The following SPG11 variants were observed in gnomAD, a reference collection of about 807,000 sequenced individuals.
The protein encoded by SPG11 is SPG11 vesicle trafficking associated, spatacsin, also known as spatacsin.
SPG11 carries 222 observed loss-of-function variants against 274.0 expected under a neutral mutation model. The observed-to-expected ratio is 0.81, with a 90% confidence interval of 0.73 to 0.91. SPG11 has a LOEUF of 0.91. Ranked by LOEUF, SPG11 falls within the 40% of genes least tolerant of loss-of-function variation. The pLI is 0.00. For missense variants in SPG11, 3,114 were observed against 2,872.7 expected (o/e 1.08, Z -1.92); for synonymous variants, 1,144 against 1,039.7 (o/e 1.10, Z -1.93).
At chr15:44,643,577 A>G (rs1263097770) in intron 7 of SPG11, among the ~76,000 whole-genome samples, 1 of 151,992 alleles carries the variant, frequency 6.6e-6, no homozygotes, top group Non-Finnish European at 1.5e-5. Context: ...TAAAACTATA[A>G]AAGTCTTGTA....
In SPG11 at chr15:44,651,492, T is replaced by A. The variant is rs751741696; in HGVS notation, c.1455A>T (p.Thr485=). Residue 485 remains threonine, a splice_region_variant and synonymous_variant, in exon 6 of 40, where the codon ACA becomes ACT. Transcript: ENST00000261866. ...SGDQQLCFVL[T]ENGLSLILFG... ...CAATCTAATACAAGACAGTCTCACC[T>A]GTCAAAACAAAGCACAGCTGCTGGT... The A allele has an allele frequency of 6.2e-7, 1 of 1,613,580 alleles. No individual in the cohort carries two copies. The highest frequency in any genetic ancestry group is 1.7e-5 in the Admixed American group (1 of 60,002).
At chr15:44,566,338 T>C (rs762979252) in intron 36 of SPG11, 33 bp from the exon 37 acceptor site, 1 of 1,597,762 alleles carries the variant, frequency 6.3e-7, no homozygotes, top group South Asian at 1.1e-5. Flanking sequence ...TTGCCGAGTC[T>C]GACTCCCAAA....
chr15:44,653,297 T>C (rs2084840587), intron 4 of SPG11, among the ~76,000 whole-genome samples: 1 of 152,150 alleles, frequency 6.6e-6, no homozygotes, highest in South Asian at 2.1e-4. Context: ...ACTTACATTA[T>C]TAAATATTAA....
intron 11 of SPG11, 24 bp from the exon 12 acceptor site, chr15:44,622,823 A>T: frequency 6.4e-7 from 1 of 1,571,110 alleles, no homozygotes; most frequent in Non-Finnish European, 8.8e-7. Flanking sequence ...AGAAAACCAA[A>T]AAAAGTTACA....
intron 28 of SPG11, among the ~76,000 whole-genome samples, chr15:44,588,806 C>T (rs942535098): frequency 6.6e-6 from 1 of 152,210 alleles, no homozygotes; most frequent in African/African-American, 2.4e-5. Flanking sequence ...GGTGTTTACT[C>T]AAAACCTTTG....
At chr15:44,644,570 C>T (rs1453578887) in intron 7 of SPG11, among the ~76,000 whole-genome samples, 1 of 152,072 alleles carries the variant, frequency 6.6e-6, no homozygotes, top group East Asian at 1.9e-4. Context: ...GATGTCCTAA[C>T]CAGAAAAATC....
intron 28 of SPG11, among the ~76,000 whole-genome samples, chr15:44,586,888 A>C (rs969939867): frequency 1.3e-5 from 2 of 152,248 alleles, no homozygotes; most frequent in African/African-American, 4.8e-5. Context: ...CTTGTAGGAC[A>C]GTTAAATCTC....
At chr15:44,628,641 A>G (rs2083969565) in intron 10 of SPG11, 28 bp downstream of exon 10, 1 of 1,595,990 alleles carries the variant, frequency 6.3e-7, no homozygotes, top group Admixed American at 1.7e-5. Context: ...TCTGGCAAAT[A>G]AAAGAAGTGA....
At chr15:44,646,757 A>G (rs117979556) in intron 7 of SPG11, among the ~76,000 whole-genome samples, 2,922 of 152,282 alleles carry the variant, frequency 0.019, 34 homozygotes, top group Middle Eastern at 0.031. Context: ...GTTCTCACTT[A>G]TAAGTGGGAG....
chr15:44,663,377 C>G lies in SPG11; in HGVS notation c.257+14G>C. 6.2e-7 allele frequency: 1 copy of G among 1,605,002 alleles called. No individual in the cohort carries two copies. The stretch of plus-strand genomic sequence containing the variant: ...TGGACTCCCCCAACGGCCCAACTCT[C>G]CCTCAGCACTTACTGCCAGAAGGGG... On this transcript the variant is annotated intron_variant, in intron 1 of 39. Coordinates refer to ENST00000261866, the MANE Select transcript of SPG11 (RefSeq NM_025137.4).
At chr15:44,657,447 A>C in intron 3 of SPG11, 151 bp from the exon 4 acceptor site, 1 of 686,082 alleles carries the variant, frequency 1.5e-6, no homozygotes, top group Non-Finnish European at 2.5e-6. Context: ...CCATTATAAC[A>C]ACCAGATGAC....
At chr15:44,636,967 A>AAC in intron 7 of SPG11, among the ~76,000 whole-genome samples, 2 of 147,364 alleles carry the variant, frequency 1.4e-5, no homozygotes, top group South Asian at 2.2e-4. Context: ...ACAAAAAAAA[A>AAC]ACACAAATGT....
At chr15:44,656,708 T>C (rs753968023) in intron 4 of SPG11, among the ~76,000 whole-genome samples, 4 of 152,174 alleles carry the variant, frequency 2.6e-5, no homozygotes, top group Non-Finnish European at 5.9e-5. Flanking sequence ...TCATTGACAA[T>C]GAATTTAAAG....
At chr15:44,592,650 C>T (rs2082932684) in intron 26 of SPG11, among the ~76,000 whole-genome samples, 1 of 152,056 alleles carries the variant, frequency 6.6e-6, no homozygotes, top group Admixed American at 6.6e-5. Context: ...GAAACCCCAT[C>T]TCTACTTAAA....
Position 44,583,965 on chromosome 15 carries a change from A to G in SPG11, c.5715T>C (p.Asn1905=). 2 of 1,614,194 alleles carry G rather than the reference A, an allele frequency of 1.2e-6. No homozygotes were observed. Among genetic ancestry groups the G allele is most frequent in the South Asian group, 2.2e-5 (2 of 91,078 alleles). The part of the protein sequence containing the change: ...SRVCRYFHFY[N]PDVALVLHCR... Reference sequence around the variant, plus strand: ...AGTGCAATACCAAGGCGACATCTGGATTATAAAAATGAAAATACCGGCATA... The same window carrying G: ...AGTGCAATACCAAGGCGACATCTGGGTTATAAAAATGAAAATACCGGCATA... The change falls in exon 30 of 40, where the codon AAT becomes AAC. Residue 1905 remains asparagine, a synonymous_variant. Coordinates refer to ENST00000261866, the MANE Select transcript of SPG11 (RefSeq NM_025137.4).
chr15:44,590,169 T>G (rs1431788908), intron 27 of SPG11, among the ~76,000 whole-genome samples: 1 of 152,246 alleles, frequency 6.6e-6, no homozygotes, highest in Admixed American at 6.5e-5. Flanking sequence ...TAAATTCACA[T>G]TATAAAAACC....
At position 44,583,997 on chromosome 15, in the gene SPG11, T is replaced by G. The variant is rs2082706201; in HGVS notation, c.5683A>C (p.Ser1895Arg). The change falls in exon 30 of 40, where the codon AGT becomes CGT. Residue 1895 changes from serine to arginine, a missense_variant. Transcript: ENST00000261866. ...AAATGAAAATACCGGCATACTCTAC[T>G]TGCTTCATGCACACAGCCATCATCC... ...LLDDGCVHEA[S>R]RVCRYFHFYN... is the part of the protein sequence containing the mutation. 1 of 1,614,208 alleles carries G rather than the reference T, an allele frequency of 6.2e-7. No homozygotes were observed. Among genetic ancestry groups the G allele is most frequent in the East Asian group, 2.2e-5 (1 of 44,888 alleles).
chr15:44,629,915 ACAAAAATTAGC>A (rs2084009630), intron 8 of SPG11, among the ~76,000 whole-genome samples: 1 of 152,226 alleles, frequency 6.6e-6, no homozygotes, highest in Non-Finnish European at 1.5e-5. Context: ...TACTAAAAAT[ACAAAAATTAGC>A]CAGGCGTGCT....
Position 44,583,873 on chromosome 15 carries a change from T to G in SPG11, c.5807A>C (p.Gln1936Pro). 6.2e-7 allele frequency: 1 copy of G among 1,614,204 alleles called. No homozygotes were observed. The highest frequency in any genetic ancestry group is 1.1e-5 in the South Asian group (1 of 91,084). The part of the protein sequence containing the change: ...DLHPEIHALL[Q>P]SAELLEEEAP... ...TTCTTCCTCAAGCAGCTCAGCACTT[T>G]GTAGGAGAGCATGGATCTCTGGGTG... The change falls in exon 30 of 40, where the codon CAA (glutamine) becomes CCA (proline). Residue 1936 changes from glutamine (Q) to proline (P), a missense_variant. Gln to Pro is a moderately conservative substitution (Grantham distance 76). Coordinates refer to ENST00000261866, the MANE Select transcript of SPG11 (RefSeq NM_025137.4).
Sources: gnomAD v4.1 joint callset for allele counts (sites outside exome capture counted in the v4.1 genomes callset) on GRCh38, gnomAD v4.1.1 for gene constraint, MANE v1.5 for transcripts, NCBI Gene and HGNC (gene_info 2026-07-23, HGNC 2026-07-21) for gene names.